The following SPDEF variants were observed in gnomAD, a reference collection of about 807,000 sequenced individuals.
SPDEF encodes the protein SAM pointed domain containing ETS transcription factor.
A neutral mutation model predicts 36.0 loss-of-function variants in SPDEF; 12 were observed. The ratio of observed to expected loss-of-function variants is 0.33; its 90% confidence interval spans 0.21 to 0.54. SPDEF has a LOEUF of 0.54. SPDEF is among the 20% of genes least tolerant of loss of function. The pLI, the probability that SPDEF is intolerant of heterozygous loss-of-function variation, is 0.93. For synonymous variants in SPDEF, 205 were observed against 193.0 expected (o/e 1.06, Z -0.51); for missense variants, 388 against 456.9 (o/e 0.85, Z 1.37).
intron 1 of SPDEF, among the ~76,000 whole-genome samples, chr6:34,547,419 G>A (rs1410850993): frequency 6.6e-6 from 1 of 152,166 alleles, no homozygotes; most frequent in Non-Finnish European, 1.5e-5. Context: ...TCTGTCGAGT[G>A]CAGGGGCATG....
intron 1 of SPDEF, among the ~76,000 whole-genome samples, chr6:34,549,304 C>T (rs747538760): frequency 2.6e-5 from 4 of 152,166 alleles, no homozygotes; most frequent in Non-Finnish European, 5.9e-5. Flanking sequence ...GGTGGGGTGG[C>T]GGCCAGGGGG....
At chr6:34,549,365 G>A (rs910699110) in intron 1 of SPDEF, among the ~76,000 whole-genome samples, 6 of 152,186 alleles carry the variant, frequency 3.9e-5, no homozygotes, top group Non-Finnish European at 8.8e-5. Context: ...CCCCAGGAAG[G>A]AAGATTAAGG....
At chr6:34,545,004 C>A (rs75968641) in intron 1 of SPDEF, among the ~76,000 whole-genome samples, 1 of 152,168 alleles carries the variant, frequency 6.6e-6, no homozygotes, top group Non-Finnish European at 1.5e-5. Context: ...AGGGGAAAGA[C>A]GAGAGGAACA....
intron 1 of SPDEF, among the ~76,000 whole-genome samples, chr6:34,545,913 G>A (rs557931555): frequency 2.4e-4 from 35 of 144,650 alleles, no homozygotes; most frequent in African/African-American, 8.1e-4. Flanking sequence ...ACTCCGTCTC[G>A]AAAAAAAAAA....
intron 1 of SPDEF, among the ~76,000 whole-genome samples, chr6:34,549,795 C>CA (rs1768022991): frequency 6.6e-6 from 1 of 152,208 alleles, no homozygotes; most frequent in African/African-American, 2.4e-5. Flanking sequence ...GAGGGAGTGA[C>CA]AGAGATGGCC....
intron 3 of SPDEF, among the ~76,000 whole-genome samples, chr6:34,540,410 C>CAA (rs534729419): frequency 2.5e-4 from 33 of 132,790 alleles, no homozygotes; most frequent in African/African-American, 5.1e-4. Context: ...CTACTTATGT[C>CAA]AAAAAAAAAA....
At position 34,539,228 on chromosome 6, in the gene SPDEF, G is replaced by C. The variant is rs759607234; in HGVS notation, c.829+22C>G. 2 of 1,612,454 alleles carry C rather than the reference G, an allele frequency of 1.2e-6. No individual in the cohort carries two copies. The highest frequency in any genetic ancestry group is 2.7e-5 in the African/African-American group (2 of 75,046). On this transcript the variant is annotated intron_variant, in intron 5 of 5. Transcript: ENST00000374037. This position sits in a 1 kb window ranked among gnomAD's most constrained non-coding sequence, Gnocchi z 5.2. ...CCTCCATGCTCACTGGCCCTGCAGCGCCCCTTGGGCACCCTGCTCACCCTT... is the reference window on the plus strand; with the variant it reads ...CCTCCATGCTCACTGGCCCTGCAGCCCCCCTTGGGCACCCTGCTCACCCTT...
At chr6:34,542,039 T>C (rs1318612963) in intron 2 of SPDEF, among the ~76,000 whole-genome samples, 2 of 152,216 alleles carry the variant, frequency 1.3e-5, no homozygotes, top group African/African-American at 2.4e-5. Flanking sequence ...GTTCCCATTG[T>C]TGAGGGAGCA....
chr6:34,538,475 G>C lies in SPDEF; in HGVS notation c.830-23C>G, dbSNP rs757262152. On this transcript the variant is annotated intron_variant, in intron 5 of 5. Transcript: ENST00000374037. The surrounding 1 kb of genome is among the most constrained non-coding windows in gnomAD (Gnocchi z 5.9). ...TGCCTAGAGCAGGAGGGCCCCGAGA[G>C]AGCCAGTGGTATGAGTGAGGTGGCA... 2 of 1,594,782 alleles carry C rather than the reference G, an allele frequency of 1.3e-6. No individual in the cohort carries two copies. Among genetic ancestry groups the C allele is most frequent in the South Asian group, 2.2e-5 (2 of 89,536 alleles).
intron 3 of SPDEF, 92 bp downstream of exon 3, chr6:34,540,892 C>G: frequency 8.2e-7 from 1 of 1,215,232 alleles, no homozygotes; most frequent in Non-Finnish European, 1.2e-6. Context: ...GGCCAAGGGG[C>G]TGCTGCCCTA....
intron 1 of SPDEF, among the ~76,000 whole-genome samples, chr6:34,548,108 C>G (rs1258969677): frequency 6.6e-6 from 1 of 152,182 alleles, no homozygotes; most frequent in African/African-American, 2.4e-5. Context: ...CAGTGAGCAC[C>G]AGTGCCACGC....
chr6:34,544,202 T>C lies in SPDEF; in HGVS notation c.254A>G (p.Glu85Gly), dbSNP rs149146133. 1.9e-6 allele frequency: 3 copies of C among 1,613,662 alleles called. No individual in the cohort carries two copies. In the African/African-American group the frequency reaches 4.0e-5, roughly 22 times the overall value. ...GCACTGCTCAGGCTCCTCAGGTGGC[T>C]CCTCCCGACTGCTGGCCCCAGGGGC... ...AKAPGASSRE[E>G]PPEEPEQCPV... The change falls in exon 2 of 6, where the codon GAG becomes GGG. Residue 85 changes from glutamate (E) to glycine (G), a missense_variant. Physicochemically the swap from Glu to Gly is moderately conservative, Grantham distance 98. Transcript: ENST00000374037. This position sits in a 1 kb window ranked among gnomAD's most constrained non-coding sequence, Gnocchi z 4.4.
intron 1 of SPDEF, among the ~76,000 whole-genome samples, chr6:34,546,036 G>C (rs1282030942): frequency 6.6e-6 from 1 of 152,186 alleles, no homozygotes; most frequent in Admixed American, 6.5e-5. Context: ...GAAAGGAACA[G>C]ATAAACCTGT....
At chr6:34,542,505 A>G (rs1228070899) in intron 2 of SPDEF, among the ~76,000 whole-genome samples, 1 of 152,202 alleles carries the variant, frequency 6.6e-6, no homozygotes, top group Non-Finnish European at 1.5e-5. Context: ...GATCTGTGTC[A>G]CTCACTATCA....
In SPDEF at chr6:34,538,144, T is replaced by C; in HGVS notation, c.*130A>G. On this transcript the variant is annotated 3_prime_UTR_variant, in exon 6 of 6. Transcript: ENST00000374037. The surrounding 1 kb of genome is among the most constrained non-coding windows in gnomAD (Gnocchi z 5.9). ...CCTGGGGCAGTTGGTTGCCCCTCCC[T>C]GACCTTGGGCTCTGGAAGGTCAGAG... 9.4e-7 allele frequency: 1 copy of C among 1,066,332 alleles called. No homozygotes were observed. The highest frequency in any genetic ancestry group is 1.3e-6 in the Non-Finnish European group (1 of 746,128). The allele number at this position is 1,066,332 out of a possible 1,614,324, so 66.1% of individuals were successfully genotyped here.
chr6:34,548,526 T>C (rs1255393144), intron 1 of SPDEF, among the ~76,000 whole-genome samples: 1 of 152,118 alleles, frequency 6.6e-6, no homozygotes, highest in African/African-American at 2.4e-5. Flanking sequence ...GCCCAGATAA[T>C]CAGAGCTGGA....
chr6:34,543,497 T>C (rs1767872965), intron 2 of SPDEF, among the ~76,000 whole-genome samples: 1 of 152,224 alleles, frequency 6.6e-6, no homozygotes, highest in Non-Finnish European at 1.5e-5. Context: ...TTCTTTCTTT[T>C]ATTTTTCATT....
rs143433433 is a variant in SPDEF at position 34,544,391 on chromosome 6, G to C, written c.65C>G (p.Thr22Arg). Residue 22 changes from threonine (T) to arginine (R), a missense_variant, in exon 2 of 6, where the codon ACG becomes AGG. By Grantham distance (71) the Thr-to-Arg change is moderately conservative. Around this residue, in one of 2 missense-constraint regions of SPDEF, gnomAD observed 308 missense variants for 326.1 expected, o/e 0.94. Transcript: ENST00000374037. The surrounding 1 kb of genome is among the most constrained non-coding windows in gnomAD (Gnocchi z 4.4). ...SPSHLLLPPD[T>R]VSRTGLEKAA... Reference sequence around the variant, plus strand: ...CTTCTCCAAGCCTGTCCGCGACACCGTGTCGGGGGGCAGCAGGAGGTGGCT... The same window carrying C: ...CTTCTCCAAGCCTGTCCGCGACACCCTGTCGGGGGGCAGCAGGAGGTGGCT... 6.3e-7 allele frequency: 1 copy of C among 1,592,694 alleles called. No individual in the cohort carries two copies. The highest frequency in any genetic ancestry group is 8.6e-7 in the Non-Finnish European group (1 of 1,167,984).
In SPDEF at chr6:34,541,168, C is replaced by G; in HGVS notation, c.450G>C (p.Trp150Cys). ...GCCACTTCTGCACATTGCTGGGGCT[C>G]CAGTCCATGGGATCTGGGCAAGAGG... ...LLNITADPMD[W>C]SPSNVQKWLL... The change falls in exon 3 of 6, where the codon TGG (tryptophan) becomes TGC (cysteine). Residue 150 changes from tryptophan to cysteine, a missense_variant. Trp to Cys is a radical substitution (Grantham distance 215). Transcript: ENST00000374037. 6.2e-7 allele frequency: 1 copy of G among 1,603,092 alleles called. No homozygotes were observed. The highest frequency in any genetic ancestry group is 8.5e-7 in the Non-Finnish European group (1 of 1,174,690).
Sources: allele counts gnomAD v4.1 joint callset (sites outside exome capture counted in the v4.1 genomes callset), GRCh38; gene constraint gnomAD v4.1.1; regional missense constraint gnomAD v4.1.1; non-coding constraint Gnocchi (gnomAD v3.1); transcripts MANE v1.5; gene names NCBI Gene and HGNC (gene_info 2026-07-23, HGNC 2026-07-21).